Variants in CEP128 observed in about 807,000 individuals in gnomAD.
The protein encoded by CEP128 is centrosomal protein 128kDa.
CEP128 carries 132 observed loss-of-function variants against 156.7 expected under a neutral mutation model. That is an observed-to-expected ratio of 0.84 (90% CI 0.73 to 0.97). The LOEUF (loss-of-function observed/expected upper bound fraction) is 0.97. CEP128 is among the 50% of genes least tolerant of loss of function. CEP128 has a pLI of 0.00. For missense variants in CEP128, 1,252 were observed against 1,281.9 expected, an observed-to-expected ratio of 0.98 and a Z score of 0.36; for synonymous variants, 469 against 448.9, an observed-to-expected ratio of 1.04 and a Z score of -0.57.
At chr14:80,897,089 T>C (rs1174150103) in intron 7 of CEP128, among the ~76,000 whole-genome samples, 1 of 152,212 alleles carries the variant, frequency 6.6e-6, no homozygotes, top group Non-Finnish European at 1.5e-5. Flanking sequence ...TATGTATGTA[T>C]AGAATGTTAA....
At chr14:80,764,469 G>T (rs932453409) in intron 16 of CEP128, among the ~76,000 whole-genome samples, 2 of 150,294 alleles carry the variant, frequency 1.3e-5, no homozygotes, top group Admixed American at 1.3e-4. Context: ...ACTGCAGTCC[G>T]CAGTCCGGCC....
At chr14:80,757,469 TATTTCA>T (rs1304991527) in intron 17 of CEP128, among the ~76,000 whole-genome samples, 1 of 152,222 alleles carries the variant, frequency 6.6e-6, no homozygotes, top group African/African-American at 2.4e-5. Flanking sequence ...CATTGCCTTG[TATTTCA>T]ATAGTTCATC....
intron 2 of CEP128, among the ~76,000 whole-genome samples, chr14:80,932,765 C>T (rs762715434): frequency 6.6e-6 from 1 of 152,060 alleles, no homozygotes; most frequent in Admixed American, 6.6e-5. Context: ...AAATGCAATG[C>T]ACTTGAATCA....
chr14:80,860,760 T>C (rs1354963455), intron 9 of CEP128, among the ~76,000 whole-genome samples: 1 of 152,144 alleles, frequency 6.6e-6, no homozygotes, highest in Admixed American at 6.5e-5. Flanking sequence ...AAAGCAGATT[T>C]TTCTATCAGC....
intron 19 of CEP128, among the ~76,000 whole-genome samples, chr14:80,585,264 A>T (rs1296651588): frequency 6.6e-6 from 1 of 152,230 alleles, no homozygotes; most frequent in Non-Finnish European, 1.5e-5. Flanking sequence ...ATCACGACCA[A>T]GTTTTTGGCT....
chr14:80,719,549 C>T (rs554382689), intron 19 of CEP128, among the ~76,000 whole-genome samples: 1 of 152,232 alleles, frequency 6.6e-6, no homozygotes, highest in South Asian at 2.1e-4. Context: ...CAAGGAAAGG[C>T]CCAGACTAGA....
chr14:80,901,585 G>A (rs554788145), intron 6 of CEP128, among the ~76,000 whole-genome samples: 1 of 152,284 alleles, frequency 6.6e-6, no homozygotes, highest in African/African-American at 2.4e-5. Flanking sequence ...AAAGAAAGGA[G>A]TGAAGTAGTA....
At chr14:80,502,902 C>A (rs1235950572) in intron 24 of CEP128, among the ~76,000 whole-genome samples, 1 of 152,108 alleles carries the variant, frequency 6.6e-6, no homozygotes, top group Non-Finnish European at 1.5e-5. Flanking sequence ...CCTAATGTTT[C>A]TCACTGCTAA....
intron 18 of CEP128, among the ~76,000 whole-genome samples, chr14:80,754,307 C>T (rs1899532947): frequency 6.6e-6 from 1 of 152,100 alleles, no homozygotes; most frequent in Admixed American, 6.5e-5. Context: ...TGCATGTTTG[C>T]TCTTTGCTCT....
At chr14:80,558,525 T>C (rs940693207) in intron 21 of CEP128, among the ~76,000 whole-genome samples, 22 of 152,138 alleles carry the variant, frequency 1.4e-4, no homozygotes, top group African/African-American at 5.3e-4. Flanking sequence ...CCTGACCTTG[T>C]GATCCACCCG....
At chr14:80,935,645 C>CAAA (rs1275049190) in intron 2 of CEP128, among the ~76,000 whole-genome samples, 1 of 5,758 alleles carries the variant, frequency 1.7e-4, no homozygotes, top group African/African-American at 1.7e-3. Context: ...AGTCCCCCCA[C>CAAA]CAAAAAAAAA....
At chr14:80,678,442 G>T (rs1896179684) in intron 19 of CEP128, among the ~76,000 whole-genome samples, 1 of 151,608 alleles carries the variant, frequency 6.6e-6, no homozygotes, top group African/African-American at 2.4e-5. Context: ...CCACAAAATG[G>T]CAGATTAGAG....
chr14:80,527,209 G>T, intron 22 of CEP128: 1 of 544,132 alleles, frequency 1.8e-6, no homozygotes, highest in Non-Finnish European at 3.4e-6. Context: ...TGGGAGGATA[G>T]CTCTAGTCCA....
Position 80,820,511 on chromosome 14 carries a change from C to T in CEP128, c.1209+10632G>A, listed in dbSNP as rs960090737. Among the ~76,000 whole-genome samples, 3 of 152,188 alleles carry T rather than the reference C, an allele frequency of 2.0e-5. No individual in the cohort carries two copies. The South Asian group carries it at 6.2e-4, about 31-fold the overall frequency. ...CCTAGGGGCTTAGTCCTCTGAGCAT[C>T]CCAATCGTGAAATCTTTACCAGAGC... On this transcript the variant is annotated intron_variant, in intron 13 of 24. Coordinates refer to ENST00000555265, the MANE Select transcript of CEP128 (RefSeq NM_152446.5).
chr14:80,553,621 G>C (rs966715679), intron 21 of CEP128, among the ~76,000 whole-genome samples: 4 of 152,140 alleles, frequency 2.6e-5, no homozygotes, highest in African/African-American at 9.7e-5. Context: ...TTCTTGGCTA[G>C]AGTGTCTTCT....
At chr14:80,576,962 C>T (rs567509487) in intron 20 of CEP128, among the ~76,000 whole-genome samples, 2 of 152,126 alleles carry the variant, frequency 1.3e-5, no homozygotes, top group East Asian at 1.9e-4. Context: ...AATTACAGTT[C>T]GTTGAAAGGT....
At chr14:80,682,797 G>A (rs949608580) in intron 19 of CEP128, among the ~76,000 whole-genome samples, 11 of 152,164 alleles carry the variant, frequency 7.2e-5, no homozygotes, top group African/African-American at 2.2e-4. Context: ...TTCGGCACTC[G>A]CAGAGAAAAT....
chr14:80,915,092 C>G (rs1288999125), intron 3 of CEP128, among the ~76,000 whole-genome samples: 1 of 152,186 alleles, frequency 6.6e-6, no homozygotes, highest in Non-Finnish European at 1.5e-5. Context: ...TGCTCTGCCA[C>G]CCAGGCTGGA....
chr14:80,833,049 G>A (rs556065058), intron 12 of CEP128, among the ~76,000 whole-genome samples: 58 of 152,174 alleles, frequency 3.8e-4, no homozygotes, highest in Admixed American at 9.8e-4. Context: ...AAAAACAGGT[G>A]GCAGTCTGGA....
Sources: gnomAD v4.1 joint callset for allele counts (sites outside exome capture counted in the v4.1 genomes callset) on GRCh38, gnomAD v4.1.1 for gene constraint, MANE v1.5 for transcripts, NCBI Gene and HGNC (gene_info 2026-07-23, HGNC 2026-07-21) for gene names.